The following TCF25 variants were observed in gnomAD, a reference collection of about 807,000 sequenced individuals.
TCF25 encodes the protein ribosome quality control complex subunit TCF25.
A neutral mutation model predicts 83.1 loss-of-function variants in TCF25; 41 were observed. The ratio of observed to expected loss-of-function variants is 0.49; its 90% CI spans 0.38 to 0.64. The LOEUF is 0.64. Among genes scored for constraint, TCF25 ranks in the 30% least tolerant of loss-of-function variants. TCF25 has a pLI of 0.00. For synonymous variants in TCF25, 458 were observed against 365.0 expected (o/e 1.25, Z -2.90); for missense variants, 979 against 914.5 (o/e 1.07, Z -0.91).
At chr16:89,893,625 T>A (rs1210822430) in intron 6 of TCF25, 103 bp from the exon 7 acceptor site, 4 of 1,570,078 alleles carry the variant, frequency 2.5e-6, no homozygotes, top group Admixed American at 3.5e-5. Flanking sequence ...TTTGTCGATA[T>A]CGCAGAGGCC....
At chr16:89,883,199 A>G in intron 1 of TCF25, 152 bp from the exon 2 acceptor site, 13 of 1,036,594 alleles carry the variant, frequency 1.3e-5, no homozygotes, top group Non-Finnish European at 1.8e-5. Flanking sequence ...TGTGTCCAAC[A>G]GTCTCGGGTT....
intron 6 of TCF25, among the ~76,000 whole-genome samples, chr16:89,892,932 T>G (rs2043540908): frequency 6.6e-6 from 1 of 152,184 alleles, no homozygotes; most frequent in African/African-American, 2.4e-5. Context: ...CCACGGCCGC[T>G]TCTCCTGCGC....
chr16:89,906,671 G>A (rs2044813386), intron 15 of TCF25, among the ~76,000 whole-genome samples: 2 of 152,184 alleles, frequency 1.3e-5, no homozygotes, highest in African/African-American at 2.4e-5. Flanking sequence ...TTGTACTGTT[G>A]TTAAGGGATA....
chr16:89,881,684 A>T (rs1419084547), intron 1 of TCF25, among the ~76,000 whole-genome samples: 1 of 151,462 alleles, frequency 6.6e-6, no homozygotes. Flanking sequence ...GGCTCAGATG[A>T]TCCTCCTGCC....
rs535723805 is a variant in TCF25 at position 89,885,813 on chromosome 16, G to A, written c.430-35G>A. 52 of 1,473,634 alleles carry A rather than the reference G, an allele frequency of 3.5e-5. No homozygotes were observed. In the South Asian group the frequency reaches 4.6e-4, roughly 13 times the overall value. 91.3% of individuals were successfully genotyped at this position (1,473,634 alleles called of 1,614,324 possible). A position where few individuals can be genotyped will look rare whatever the true frequency, so the allele number is the denominator to read the frequency against. On this transcript the variant is annotated intron_variant, in intron 3 of 17. Coordinates refer to ENST00000263346, the MANE Select transcript of TCF25 (RefSeq NM_014972.3). ...TGTTACAATATTTAAAATAATGTCA[G>A]TGTGGTGATTAAGAGGTTGTTTTGG...
At position 89,911,303 on chromosome 16, in the gene TCF25, G is replaced by A. The variant is rs564085706; in HGVS notation, c.*65G>A. 94 of 1,590,968 alleles carry A rather than the reference G, an allele frequency of 5.9e-5. No individual in the cohort carries two copies. Among genetic ancestry groups the A allele is most frequent in the Middle Eastern group, 5.6e-4 (3 of 5,340 alleles). ...CCCGATTTCTCTGTTGGTCGGAGTC[G>A]GCCAGTTGCCTGAAGTAGGGAAGCT... On this transcript the variant is annotated 3_prime_UTR_variant, in exon 18 of 18. Coordinates refer to ENST00000263346, the MANE Select transcript of TCF25 (RefSeq NM_014972.3).
chr16:89,906,220 C>A lies in TCF25; in HGVS notation c.1655C>A (p.Pro552His). The A allele has an allele frequency of 1.9e-6, 3 of 1,613,424 alleles. No individual in the cohort carries two copies. The highest frequency in any genetic ancestry group is 1.7e-5 in the Admixed American group (1 of 59,992). Residue 552 changes from proline to histidine, a missense_variant, in exon 15 of 18, where the codon CCC (proline) becomes CAC (histidine). By Grantham distance (77) the Pro-to-His change is moderately conservative. Coordinates refer to ENST00000263346, the MANE Select transcript of TCF25 (RefSeq NM_014972.3). ...NRRKVLYQRA[P>H]RNIHRHVILS... Reference sequence around the variant, plus strand: ...CGGAAGGTGCTCTACCAGCGTGCACCCAGGAATATCCACCGCCATGTGATC... The same window carrying A: ...CGGAAGGTGCTCTACCAGCGTGCACACAGGAATATCCACCGCCATGTGATC...
At chr16:89,875,230 A>G (rs1425276096) in intron 1 of TCF25, among the ~76,000 whole-genome samples, 1 of 152,152 alleles carries the variant, frequency 6.6e-6, no homozygotes, top group East Asian at 1.9e-4. Context: ...ATTTTATTTT[A>G]CACTTCTTTG....
chr16:89,885,993 TGCCCTTCTCTGC>T (rs751009355), intron 4 of TCF25, 27 bp downstream of exon 4: 13 of 1,574,338 alleles, frequency 8.3e-6, no homozygotes, highest in South Asian at 2.2e-5. Flanking sequence ...TCTCTGCGGC[TGCCCTTCTCTGC>T]GGCTGCCCTT....
Position 89,879,977 on chromosome 16 carries a change from A to G in TCF25, c.193-3374A>G, listed in dbSNP as rs573236553. Among the ~76,000 whole-genome samples, 8 of 143,622 alleles carry G rather than the reference A, an allele frequency of 5.6e-5. No homozygotes were observed. The East Asian group carries it at 6.5e-4, about 12-fold the overall frequency. 94.2% of individuals were successfully genotyped at this position (143,622 alleles called of 152,430 possible). On this transcript the variant is annotated intron_variant, in intron 1 of 17. Coordinates refer to ENST00000263346, the MANE Select transcript of TCF25 (RefSeq NM_014972.3). ...TGTCTTTGTAAACAGTCAGGATCCCAGGACTATCACGCGTGCTGTCCATGT... is the reference window on the plus strand; with the variant it reads ...TGTCTTTGTAAACAGTCAGGATCCCGGGACTATCACGCGTGCTGTCCATGT...
At chr16:89,901,041 T>G in intron 12 of TCF25, 1 of 409,696 alleles carries the variant, frequency 2.4e-6, no homozygotes, top group Non-Finnish European at 4.5e-6. Flanking sequence ...GCCTGTGTTC[T>G]AGAGTGCAGA....
At chr16:89,893,662 G>A (rs2043599723) in intron 6 of TCF25, 66 bp from the exon 7 acceptor site, 5 of 1,609,880 alleles carry the variant, frequency 3.1e-6, no homozygotes, top group Non-Finnish European at 3.4e-6. Context: ...GAAGGTGAGG[G>A]CTGTGCTCGG....
chr16:89,893,523 C>T (rs183756433), intron 6 of TCF25, among the ~76,000 whole-genome samples: 12 of 152,316 alleles, frequency 7.9e-5, no homozygotes, highest in African/African-American at 2.6e-4. Flanking sequence ...CTAAAGCAGA[C>T]GGGATGCCGT....
At chr16:89,904,690 G>A (rs1229442598) in intron 13 of TCF25, 1 of 639,256 alleles carries the variant, frequency 1.6e-6, no homozygotes, top group Admixed American at 2.2e-5. Flanking sequence ...CCCGCCCTGG[G>A]TGCATTTTCA....
At chr16:89,900,245 G>A (rs1270125213) in intron 11 of TCF25, among the ~76,000 whole-genome samples, 2 of 142,832 alleles carry the variant, frequency 1.4e-5, no homozygotes, top group South Asian at 2.3e-4. Context: ...GGCTGCTCTC[G>A]GAAACTCGCG....
intron 5 of TCF25, among the ~76,000 whole-genome samples, chr16:89,890,925 T>C (rs1474519197): frequency 1.3e-5 from 2 of 152,196 alleles, no homozygotes; most frequent in African/African-American, 4.8e-5. Context: ...CACAGTTTCC[T>C]TTTTATTCAT....
At chr16:89,893,981 T>A (rs2043626441) in intron 7 of TCF25, 123 bp downstream of exon 7, 1 of 1,399,720 alleles carries the variant, frequency 7.1e-7, no homozygotes, top group Non-Finnish European at 9.6e-7. Context: ...ACAGGAAGGG[T>A]GCCAGTCTCT....
intron 5 of TCF25, among the ~76,000 whole-genome samples, chr16:89,891,930 A>G (rs2043462741): frequency 6.6e-6 from 1 of 152,010 alleles, no homozygotes; most frequent in South Asian, 2.1e-4. Flanking sequence ...TTGGCCTCTC[A>G]AAGTGCTGGG....
chr16:89,908,507 CCTCCCACCTTCCAG>C (rs1567745271), intron 16 of TCF25, among the ~76,000 whole-genome samples: 3 of 139,094 alleles, frequency 2.2e-5, no homozygotes, highest in East Asian at 2.2e-4. Flanking sequence ...GCAGTTCCCA[CCTCCCACCTTCCAG>C]CTCCCACCTC....
Sources: gnomAD v4.1 joint callset for allele counts (sites outside exome capture counted in the v4.1 genomes callset) on GRCh38, gnomAD v4.1.1 for gene constraint, MANE v1.5 for transcripts, NCBI Gene and HGNC (gene_info 2026-07-23, HGNC 2026-07-21) for gene names.